KLRK1: variants seen among roughly 807,000 people sequenced by gnomAD.
KLRK1 encodes the protein killer cell lectin like receptor K1, also known as NKG2-D type II integral membrane protein.
Under a neutral mutation model 31.3 loss-of-function variants are expected in KLRK1, and 40 were observed. The observed-to-expected ratio is 1.28, with a 90% CI of 0.99 to 1.67. The LOEUF is 1.67. Ranked by LOEUF, KLRK1 falls within the 40% of genes most tolerant of loss-of-function variation. KLRK1 has a pLI of 0.00. For missense variants in KLRK1, 251 were observed against 260.0 expected (o/e 0.97, Z 0.24); for synonymous variants, 77 against 77.3 (o/e 1.00, Z 0.02).
chr12:10,372,951 A>C lies in KLRK1; in HGVS notation c.*163T>G, dbSNP rs1481185856. On this transcript the variant is annotated 3_prime_UTR_variant, in exon 8 of 8. Coordinates refer to ENST00000240618, the MANE Select transcript of KLRK1 (RefSeq NM_007360.4). The stretch of plus-strand genomic sequence containing the variant: ...GTCTTGGAGAATCATGCATGTTTGC[A>C]GTGAAATTGTTCTATGGTTTGGTCC... 3 of 612,132 alleles carry C rather than the reference A, an allele frequency of 4.9e-6. No individual in the cohort carries two copies. Among genetic ancestry groups the C allele is most frequent in the Non-Finnish European group, 8.4e-6 (3 of 355,582 alleles). 37.9% of individuals were successfully genotyped at this position (612,132 alleles called of 1,614,324 possible). A position where few individuals can be genotyped will look rare whatever the true frequency, so the allele number is the denominator to read the frequency against.
chr12:10,386,146 T>C (rs1293044982), intron 3 of KLRK1, among the ~76,000 whole-genome samples: 1 of 152,006 alleles, frequency 6.6e-6, no homozygotes, highest in East Asian at 1.9e-4. Flanking sequence ...GATATTTAAA[T>C]TGTTTCTTAG....
At position 10,372,704 on chromosome 12, in the gene KLRK1, G is replaced by C. The variant is rs1207495812; in HGVS notation, c.*410C>G. The C allele has an allele frequency of 4.6e-6, 1 of 217,596 alleles. No homozygotes were observed. The highest frequency in any genetic ancestry group is 9.0e-6 in the Non-Finnish European group (1 of 111,166). 13.5% of individuals were successfully genotyped at this position (217,596 alleles called of 1,614,324 possible). ...GCAGGGAAGGCACTGCCCATGCTGT[G>C]TCTCTCTGCTGTGGCCCTGCCCATG... On this transcript the variant is annotated 3_prime_UTR_variant, in exon 8 of 8. Transcript: ENST00000240618.
Position 10,378,226 on chromosome 12 carries a change from T to TAA in KLRK1, c.437_438dup (p.Lys147LeufsTer4). On this transcript the variant is annotated frameshift_variant, in exon 7 of 8. Transcript: ENST00000240618. LOFTEE classifies it high-confidence loss of function. ...ATCCAATGATATGACTTCACCAGTT[T>TAA]AAGTAAATCCTGTTTGAAACCACAA... is the stretch of plus-strand genomic sequence containing the variant. 6.2e-7 allele frequency: 1 copy of TAA among 1,612,334 alleles called. No individual in the cohort carries two copies. The highest frequency in any genetic ancestry group is 8.5e-7 in the Non-Finnish European group (1 of 1,179,592).
At chr12:10,379,294 T>A (rs987447495) in intron 5 of KLRK1, 153 bp downstream of exon 5, 1 of 273,490 alleles carries the variant, frequency 3.7e-6, no homozygotes, top group East Asian at 6.8e-5. Flanking sequence ...TTACAAGTAT[T>A]CCCTCATTGT....
chr12:10,373,240 G>A lies in KLRK1; in HGVS notation c.534-9C>T. 6.4e-7 allele frequency: 1 copy of A among 1,561,568 alleles called. No homozygotes were observed. Among genetic ancestry groups the A allele is most frequent in the South Asian group, 1.2e-5 (1 of 81,974 alleles). ...TTTCAATTATTGTTAGTCTAGAGGA[G>A]AGACAATTACAAATTACATACATGA... On this transcript the variant is annotated splice_polypyrimidine_tract_variant and intron_variant, in intron 7 of 7. Coordinates refer to ENST00000240618, the MANE Select transcript of KLRK1 (RefSeq NM_007360.4).
Position 10,378,139 on chromosome 12 carries a change from G to A in KLRK1, c.526C>T (p.Pro176Ser), listed in dbSNP as rs1030568164. The A allele has an allele frequency of 6.2e-7, 1 of 1,614,012 alleles. No homozygotes were observed. Among genetic ancestry groups the A allele is most frequent in the Non-Finnish European group, 8.5e-7 (1 of 1,179,938 alleles). Reference protein sequence around the residue: ...WQWEDGSILSPNLLTIIEMQK... With the variant: ...WQWEDGSILSSNLLTIIEMQK... ...ATTGGGTCAGAGACTTACAGGTTGG[G>A]TGAGAGAATGGAGCCATCTTCCCAC... The change falls in exon 7 of 8, where the codon CCC becomes TCC. Residue 176 changes from proline (P) to serine (S), a missense_variant. Pro to Ser is a moderately conservative substitution (Grantham distance 74, BLOSUM62 -1). Coordinates refer to ENST00000240618, the MANE Select transcript of KLRK1 (RefSeq NM_007360.4).
At position 10,386,995 on chromosome 12, in the gene KLRK1, T is replaced by G; in HGVS notation, c.56A>C (p.His19Pro). Residue 19 changes from histidine to proline, a missense_variant, in exon 3 of 8, where the codon CAT becomes CCT. Physicochemically the swap from His to Pro is moderately conservative, Grantham distance 77 (BLOSUM62 -2). Coordinates refer to ENST00000240618, the MANE Select transcript of KLRK1 (RefSeq NM_007360.4). ...CTTCTTCAGATCCAAGTTATAATTATGAAATTCACTCATCTCTAGAGAAAA... is the reference window on the plus strand; with the variant it reads ...CTTCTTCAGATCCAAGTTATAATTAGGAAATTCACTCATCTCTAGAGAAAA... ...SRHSWEMSEF[H>P]NYNLDLKKSD... is the part of the protein sequence containing the mutation. 1 of 1,610,654 alleles carries G rather than the reference T, an allele frequency of 6.2e-7. No individual in the cohort carries two copies. The highest frequency in any genetic ancestry group is 1.1e-5 in the South Asian group (1 of 90,636).
intron 3 of KLRK1, among the ~76,000 whole-genome samples, chr12:10,386,137 A>G (rs1308474349): frequency 6.6e-6 from 1 of 151,816 alleles, no homozygotes; most frequent in Non-Finnish European, 1.5e-5. Context: ...TTTCCAGTGG[A>G]TATTTAAATT....
intron 7 of KLRK1, among the ~76,000 whole-genome samples, chr12:10,374,749 A>G (rs1862932106): frequency 1.3e-5 from 2 of 150,596 alleles, no homozygotes; most frequent in Non-Finnish European, 2.9e-5. Flanking sequence ...TACTACTTTC[A>G]TTACACTTCT....
chr12:10,373,080 T>A lies in KLRK1; in HGVS notation c.*34A>T. 1 of 1,589,482 alleles carries A rather than the reference T, an allele frequency of 6.3e-7. No individual in the cohort carries two copies. The highest frequency in any genetic ancestry group is 8.6e-7 in the Non-Finnish European group (1 of 1,160,254). On this transcript the variant is annotated 3_prime_UTR_variant, in exon 8 of 8. Coordinates refer to ENST00000240618, the MANE Select transcript of KLRK1 (RefSeq NM_007360.4). ...GTTACCGCTGGTGTAATCTCTTCTC[T>A]GTTCCTGGCTTTTATTGAGATGGTT...
At chr12:10,373,950 C>T (rs1352066822) in intron 7 of KLRK1, 2 of 152,156 alleles carry the variant, frequency 1.3e-5, no homozygotes, top group Non-Finnish European at 2.9e-5. Context: ...ATGTAATGAT[C>T]TCTGTTCTGT....
chr12:10,382,710 T>C (rs1464956600), intron 3 of KLRK1, among the ~76,000 whole-genome samples: 8 of 152,176 alleles, frequency 5.3e-5, no homozygotes, highest in Admixed American at 5.2e-4. Context: ...AATACTGTAA[T>C]TGTGGTGCCT....
intron 7 of KLRK1, among the ~76,000 whole-genome samples, chr12:10,376,345 G>A (rs906488087): frequency 3.3e-5 from 5 of 151,940 alleles, no homozygotes; most frequent in East Asian, 3.8e-4. Flanking sequence ...AAAATAATTC[G>A]CTAATGAAAA....
At chr12:10,389,842 A>G (rs368359276) in intron 1 of KLRK1, 101 bp downstream of exon 1, 1 of 152,172 alleles carries the variant, frequency 6.6e-6, no homozygotes, top group African/African-American at 2.4e-5. Context: ...AGAAACAATT[A>G]GAATTACCTT....
intron 5 of KLRK1, 50 bp downstream of exon 5, chr12:10,379,397 A>T: frequency 8.8e-7 from 1 of 1,134,932 alleles, no homozygotes; most frequent in Non-Finnish European, 1.2e-6. Flanking sequence ...ACAATAATGT[A>T]GGTAGATACA....
intron 7 of KLRK1, among the ~76,000 whole-genome samples, chr12:10,376,810 CTTATTTA>C (rs1005227502): frequency 6.0e-5 from 9 of 149,716 alleles, no homozygotes; most frequent in African/African-American, 9.8e-5. Flanking sequence ...CTGAAATTTA[CTTATTTA>C]TTTATTTATT....
At chr12:10,378,309 T>C (rs1360472286) in intron 6 of KLRK1, 74 bp from the exon 7 acceptor site, 1 of 1,489,848 alleles carries the variant, frequency 6.7e-7, no homozygotes, top group African/African-American at 1.4e-5. Context: ...CCATAACCAT[T>C]TCATCTGTTC....
At chr12:10,374,070 C>T (rs1391294365) in intron 7 of KLRK1, 1 of 152,094 alleles carries the variant, frequency 6.6e-6, no homozygotes, top group East Asian at 1.9e-4. Context: ...CTGGAGTGCA[C>T]TGGTTCAATC....
chr12:10,373,407 A>AAATT (rs1862899601), intron 7 of KLRK1, among the ~76,000 whole-genome samples, 176 bp from the exon 8 acceptor site: 1 of 152,330 alleles, frequency 6.6e-6, no homozygotes, highest in Admixed American at 6.5e-5. Flanking sequence ...ATAAAAATAA[A>AAATT]AATTATAAAT....
Sources: allele counts gnomAD v4.1 joint callset (sites outside exome capture counted in the v4.1 genomes callset), GRCh38; gene constraint gnomAD v4.1.1; transcripts MANE v1.5; gene names NCBI Gene and HGNC (gene_info 2026-07-23, HGNC 2026-07-21).